The following RBFOX1 variants were observed in gnomAD, a reference collection of about 807,000 sequenced individuals.
The protein encoded by RBFOX1 is RNA binding protein fox-1 homolog 1.
RBFOX1 carries 8 observed loss-of-function variants against 57.7 expected under a neutral mutation model. That is an observed-to-expected ratio of 0.14 (90% confidence interval 0.08 to 0.25). RBFOX1 has a LOEUF of 0.25. Ranked by LOEUF, RBFOX1 falls within the 10% of genes least tolerant of loss-of-function variation. The pLI is 1.00. For missense variants in RBFOX1, 611 were observed against 548.5 expected, an observed-to-expected ratio of 1.11 and a Z score of -1.14; for synonymous variants, 326 against 222.4, an observed-to-expected ratio of 1.47 and a Z score of -4.15.
chr16:5,602,489 A>T (rs1427594972), downstream of RBFOX1, among the ~76,000 whole-genome samples: 1 of 152,144 alleles, frequency 6.6e-6, no homozygotes, highest in Non-Finnish European at 1.5e-5. Context: ...TTTTGTGGTG[A>T]GGATTTATGT....
At chr16:5,246,810 A>G (rs1410856012) in intron 1 of RBFOX1, among the ~76,000 whole-genome samples, 1 of 151,928 alleles carries the variant, frequency 6.6e-6, no homozygotes, top group Non-Finnish European at 1.5e-5. Context: ...ATCTGGGAGT[A>G]CAGGCATGCA....
chr16:6,625,271 A>C (rs1417547522), intron 2 of RBFOX1, among the ~76,000 whole-genome samples: 1 of 152,050 alleles, frequency 6.6e-6, no homozygotes, highest in Non-Finnish European at 1.5e-5. Flanking sequence ...TTAAGTGCTA[A>C]AGTGAGAAGG....
At chr16:7,184,108 T>G (rs577699648) in intron 4 of RBFOX1, among the ~76,000 whole-genome samples, 9 of 152,226 alleles carry the variant, frequency 5.9e-5, no homozygotes, top group Admixed American at 5.2e-4. Context: ...CACAAAGATG[T>G]GTGTAAAATC....
chr16:6,403,856 G>T (rs1412635935), intron 2 of RBFOX1, among the ~76,000 whole-genome samples: 1 of 152,068 alleles, frequency 6.6e-6, no homozygotes, highest in Non-Finnish European at 1.5e-5. Flanking sequence ...AGATAATTAA[G>T]GTCCAATGAG....
At position 7,128,752 on chromosome 16, in the gene RBFOX1, C is replaced by T. The variant is rs1287751648; in HGVS notation, c.27+76654C>T. Among the ~76,000 whole-genome samples the T allele has an allele frequency of 2.0e-5, 3 of 151,560 alleles. No homozygotes were observed. In the East Asian group the frequency reaches 5.8e-4, roughly 29 times the overall value. On this transcript the variant is annotated intron_variant, in intron 4 of 15. Coordinates refer to ENST00000550418, the MANE Select transcript of RBFOX1 (RefSeq NM_018723.4). ...ATGGTCATATCACAAAGGGCTAGAA[C>T]TGGGGAAGAATCGGAGGCTATTTTG... is the stretch of plus-strand genomic sequence containing the variant.
At chr16:5,312,251 G>A (rs994872910) in intron 1 of RBFOX1, among the ~76,000 whole-genome samples, 3 of 152,220 alleles carry the variant, frequency 2.0e-5, no homozygotes, top group African/African-American at 7.2e-5. Flanking sequence ...AACATGTAGG[G>A]AGGTATCCTC....
At position 6,327,544 on chromosome 16, in the gene RBFOX1, T is replaced by C. The variant is rs149472088; in HGVS notation, c.-64+10487T>C. On this transcript the variant is annotated intron_variant, in intron 2 of 15. Coordinates refer to ENST00000550418, the MANE Select transcript of RBFOX1 (RefSeq NM_018723.4). ...GCTTTCTGCTCTTAGCTGCCTATTG[T>C]TTATTTGCCCATAATGAGGACTCAG... is the stretch of plus-strand genomic sequence containing the variant. Among the ~76,000 whole-genome samples the C allele has an allele frequency of 7.1e-4, 108 of 152,300 alleles. No individual in the cohort carries two copies. The East Asian group carries it at 0.011, about 15-fold the overall frequency.
chr16:5,698,862 A>C (rs2050931821), intron 3 of RBFOX1, among the ~76,000 whole-genome samples: 1 of 152,276 alleles, frequency 6.6e-6, no homozygotes, highest in Non-Finnish European at 1.5e-5. Flanking sequence ...TGTTATAGCT[A>C]CATCAGCTTT....
intron 3 of RBFOX1, among the ~76,000 whole-genome samples, chr16:5,648,553 A>C (rs2049123499): frequency 6.6e-6 from 1 of 152,098 alleles, no homozygotes; most frequent in African/African-American, 2.4e-5. Context: ...TAGTGGGCGG[A>C]GACCAGGGAT....
At chr16:6,995,292 G>GTC (rs1568280532) in intron 3 of RBFOX1, among the ~76,000 whole-genome samples, 1 of 95,714 alleles carries the variant, frequency 1.0e-5, no homozygotes, top group Non-Finnish European at 2.2e-5. Context: ...AAGTAGCCTT[G>GTC]TGTGTGTGTG....
chr16:5,993,638 C>G lies in RBFOX1; in HGVS notation c.351+126303C>G, dbSNP rs180944255. Among the ~76,000 whole-genome samples the G allele has an allele frequency of 1.1e-4, 16 of 152,226 alleles. 1 individual carries two copies. Among genetic ancestry groups the G allele is most frequent in the East Asian group, 1.9e-4 (1 of 5,178 alleles). On this transcript the variant is annotated intron_variant, in intron 4 of 19. Coordinates refer to the RBFOX1 transcript ENST00000641259. ...GTTTAAGATTAATGAGGCATTAGTT[C>G]TCCATCAAGGAGCCATAATCAAGAT...
chr16:5,607,596 CTAAAATACAGTAGGTGCT>C, intron 3 of RBFOX1, among the ~76,000 whole-genome samples: 1 of 152,112 alleles, frequency 6.6e-6, no homozygotes, highest in Non-Finnish European at 1.5e-5. Context: ...GATGGGGTGC[CTAAAATACAGTAGGTGCT>C]TAGTAAGGCT....
chr16:6,767,434 A>G (rs1453786575), intron 3 of RBFOX1, among the ~76,000 whole-genome samples: 39 of 152,190 alleles, frequency 2.6e-4, no homozygotes, highest in Non-Finnish European at 1.5e-5. Context: ...GCCCTGCTGC[A>G]ATCTATAATT....
chr16:5,822,659 G>T (rs188810694), intron 3 of RBFOX1, among the ~76,000 whole-genome samples: 1 of 152,164 alleles, frequency 6.6e-6, no homozygotes, highest in Non-Finnish European at 1.5e-5. Context: ...AAGAATTACG[G>T]AATTATGTCT....
intron 4 of RBFOX1, among the ~76,000 whole-genome samples, chr16:7,201,262 A>G (rs2088345919): frequency 6.6e-6 from 1 of 152,150 alleles, no homozygotes; most frequent in Non-Finnish European, 1.5e-5. Flanking sequence ...AGTGAGCAAC[A>G]CAGCATAGCA....
At chr16:7,201,629 A>C (rs544763086) in intron 4 of RBFOX1, among the ~76,000 whole-genome samples, 1 of 152,054 alleles carries the variant, frequency 6.6e-6, no homozygotes, top group African/African-American at 2.4e-5. Flanking sequence ...CGCCTGGCTA[A>C]TTTTTAGTAT....
intron 4 of RBFOX1, among the ~76,000 whole-genome samples, chr16:5,911,832 A>T (rs973925510): frequency 6.6e-6 from 1 of 152,068 alleles, no homozygotes; most frequent in African/African-American, 2.4e-5. Context: ...AAGGCCACTC[A>T]TCTCAACCAT....
At chr16:5,964,965 G>C (rs377562266) in intron 4 of RBFOX1, among the ~76,000 whole-genome samples, 1 of 152,094 alleles carries the variant, frequency 6.6e-6, no homozygotes, top group African/African-American at 2.4e-5. Flanking sequence ...TCTTAAAAAG[G>C]AGTTTTTCTA....
intron 1 of RBFOX1, among the ~76,000 whole-genome samples, chr16:5,442,620 C>A (rs1320522464): frequency 6.6e-6 from 1 of 152,180 alleles, no homozygotes; most frequent in East Asian, 1.9e-4. Flanking sequence ...CTCTTAAAAA[C>A]CAATTGGGCT....
Sources: allele counts gnomAD v4.1 joint callset (sites outside exome capture counted in the v4.1 genomes callset), GRCh38; gene constraint gnomAD v4.1.1; transcripts MANE v1.5; gene names NCBI Gene and HGNC (gene_info 2026-07-23, HGNC 2026-07-21).